Variants in NUFIP1 observed in about 807,000 individuals in gnomAD.
NUFIP1 encodes the protein nuclear FMR1 interacting protein 1.
A neutral mutation model predicts 56.2 loss-of-function variants in NUFIP1; 38 were observed. The ratio of observed to expected loss-of-function variants is 0.68; its 90% confidence interval spans 0.52 to 0.89. NUFIP1 has a LOEUF of 0.89. Among genes scored for constraint, NUFIP1 ranks in the 40% least tolerant of loss-of-function variants. The probability of loss-of-function intolerance (pLI) is 0.00; values close to 1 mark genes in which losing one functional copy is unlikely to be tolerated. For synonymous variants in NUFIP1, 215 were observed against 212.4 expected (o/e 1.01, Z -0.10); for missense variants, 567 against 605.8 (o/e 0.94, Z 0.67).
intron 5 of NUFIP1, 97 bp from the exon 6 acceptor site, chr13:44,966,033 C>T (rs995802583): frequency 3.1e-5 from 16 of 521,684 alleles, no homozygotes; most frequent in Admixed American, 7.8e-5. Context: ...TTGTTTAACA[C>T]CTAACACAGC....
intron 5 of NUFIP1, 106 bp downstream of exon 5, chr13:44,979,084 C>T: frequency 3.5e-6 from 3 of 861,332 alleles, no homozygotes; most frequent in Non-Finnish European, 5.5e-6. Context: ...GCCTTATGGT[C>T]CTCTTCCCTA....
chr13:44,949,220 G>A (rs1279737255), intron 8 of NUFIP1, among the ~76,000 whole-genome samples: 1 of 12,370 alleles, frequency 8.1e-5, no homozygotes. Flanking sequence ...TTTTTTTTTT[G>A]AGACGGAGTC....
chr13:44,963,321 T>C (rs931932322), intron 6 of NUFIP1, among the ~76,000 whole-genome samples: 6 of 152,220 alleles, frequency 3.9e-5, no homozygotes, highest in Admixed American at 3.3e-4. Context: ...ATCTTTTAAA[T>C]TTTCAATTTT....
chr13:44,956,035 C>T (rs1172777130), intron 7 of NUFIP1, among the ~76,000 whole-genome samples: 9 of 147,080 alleles, frequency 6.1e-5, no homozygotes, highest in African/African-American at 1.0e-4. Flanking sequence ...CCCAGCTACT[C>T]GGGAGGCTGA....
intron 4 of NUFIP1, 119 bp from the exon 5 acceptor site, chr13:44,979,385 G>C (rs1872103217): frequency 1.4e-6 from 1 of 700,838 alleles, no homozygotes; most frequent in Admixed American, 3.1e-5. Flanking sequence ...CAAGTAAGCA[G>C]GTTGTATCTA....
In NUFIP1 at chr13:44,989,005, C is replaced by T. The variant is rs1202106168; in HGVS notation, c.412+20G>A. On this transcript the variant is annotated intron_variant, in intron 1 of 9. Coordinates refer to ENST00000379161, the MANE Select transcript of NUFIP1 (RefSeq NM_012345.3). ...GGGGAAAAAGGTAAAGGGGTCGACTCACGTGGAAAAATAGCCTACCTGCAG... is the reference window on the plus strand; with the variant it reads ...GGGGAAAAAGGTAAAGGGGTCGACTTACGTGGAAAAATAGCCTACCTGCAG... 1.2e-6 allele frequency: 2 copies of T among 1,612,476 alleles called. No individual in the cohort carries two copies. The highest frequency in any genetic ancestry group is 1.3e-5 in the African/African-American group (1 of 74,972).
intron 5 of NUFIP1, among the ~76,000 whole-genome samples, chr13:44,971,379 T>C (rs1296019984): frequency 1.3e-5 from 2 of 152,194 alleles, no homozygotes; most frequent in Non-Finnish European, 2.9e-5. Context: ...CCTGCTGTCA[T>C]AGCATACCTC....
In NUFIP1 at chr13:44,955,872, G is replaced by A. The variant is rs188562986; in HGVS notation, c.1021+3509C>T. Reference sequence around the variant, plus strand: ...AGAATCTCATATTTTGGCCGGGCGCGGTGGCTCACGCCTGTAATCCCAGCA... The same window carrying A: ...AGAATCTCATATTTTGGCCGGGCGCAGTGGCTCACGCCTGTAATCCCAGCA... On this transcript the variant is annotated intron_variant, in intron 7 of 9. Coordinates refer to ENST00000379161, the MANE Select transcript of NUFIP1 (RefSeq NM_012345.3). Among the ~76,000 whole-genome samples the A allele has an allele frequency of 3.6e-3, 551 of 151,870 alleles. 5 individuals carry two copies. The highest frequency in any genetic ancestry group is 0.012 in the African/African-American group (518 of 41,462).
chr13:44,967,045 C>G (rs1871628709), intron 5 of NUFIP1, among the ~76,000 whole-genome samples: 1 of 151,280 alleles, frequency 6.6e-6, no homozygotes, highest in South Asian at 2.1e-4. Flanking sequence ...ATAAGAAAAG[C>G]ACACAAATAG....
At position 44,941,310 on chromosome 13, in the gene NUFIP1, C is replaced by T. The variant is rs1268068136; in HGVS notation, c.1384G>A (p.Asp462Asn). The change falls in exon 10 of 10, where the codon GAC becomes AAC. Residue 462 changes from aspartate to asparagine, a missense_variant. Asp to Asn is a conservative substitution (Grantham distance 23). Coordinates refer to ENST00000379161, the MANE Select transcript of NUFIP1 (RefSeq NM_012345.3). ...ATCACATTTCTTTCATGTCGAATGT[C>T]CGGAGCTAGAAGCTAAAACACAATT... ...PYLLEMLLAPDIRHERNVILQ... is the reference protein window; with the variant it reads ...PYLLEMLLAPNIRHERNVILQ... 4.4e-6 allele frequency: 7 copies of T among 1,602,374 alleles called. No individual in the cohort carries two copies. Among genetic ancestry groups the T allele is most frequent in the Non-Finnish European group, 5.1e-6 (6 of 1,175,196 alleles).
chr13:44,974,329 AGAGCAGCC>A (rs1431214398), intron 5 of NUFIP1, among the ~76,000 whole-genome samples: 4 of 152,212 alleles, frequency 2.6e-5, no homozygotes, highest in African/African-American at 7.2e-5. Flanking sequence ...GATATCGACA[AGAGCAGCC>A]GAAGTGAAAT....
intron 5 of NUFIP1, among the ~76,000 whole-genome samples, chr13:44,974,466 A>T (rs1379683842): frequency 6.6e-6 from 1 of 152,232 alleles, no homozygotes; most frequent in Non-Finnish European, 1.5e-5. Flanking sequence ...GGATGGAAAG[A>T]GGAGTATGTC....
At chr13:44,976,369 G>A (rs1216927148) in intron 5 of NUFIP1, among the ~76,000 whole-genome samples, 2 of 151,616 alleles carry the variant, frequency 1.3e-5, no homozygotes, top group Non-Finnish European at 2.9e-5. Context: ...AGGAGGAGGA[G>A]GAGGCGAAGG....
At chr13:44,973,384 CA>C (rs1338075950) in intron 5 of NUFIP1, among the ~76,000 whole-genome samples, 1 of 152,276 alleles carries the variant, frequency 6.6e-6, no homozygotes, top group South Asian at 2.1e-4. Flanking sequence ...CTAAAAACAA[CA>C]AAGATACAGC....
At chr13:44,949,254 T>C (rs1485470562) in intron 8 of NUFIP1, among the ~76,000 whole-genome samples, 24 of 131,880 alleles carry the variant, frequency 1.8e-4, no homozygotes, top group Non-Finnish European at 2.8e-4. Flanking sequence ...CAGGCTGGAG[T>C]GCAGTGGCGG....
chr13:44,940,081 G>A lies in NUFIP1; in HGVS notation c.*1125C>T, dbSNP rs1870681468. ...GTATACCTTTAATATAGGCACAATAGAGGTACAAAGAGTAAGCACTCAACA... is the reference window on the plus strand; with the variant it reads ...GTATACCTTTAATATAGGCACAATAAAGGTACAAAGAGTAAGCACTCAACA... On this transcript the variant is annotated 3_prime_UTR_variant, in exon 10 of 10. Transcript: ENST00000379161. 1 of 152,190 alleles carries A rather than the reference G, an allele frequency of 6.6e-6. No homozygotes were observed. Among genetic ancestry groups the A allele is most frequent in the African/African-American group, 2.4e-5 (1 of 41,450 alleles). 9.4% of individuals were successfully genotyped at this position (152,190 alleles called of 1,614,324 possible).
intron 6 of NUFIP1, among the ~76,000 whole-genome samples, chr13:44,962,660 T>A (rs1593363290): frequency 6.6e-6 from 1 of 152,234 alleles, no homozygotes; most frequent in Non-Finnish European, 1.5e-5. Context: ...GTTTGTAATG[T>A]CTACAGTAAT....
intron 7 of NUFIP1, among the ~76,000 whole-genome samples, chr13:44,956,062 G>A (rs1464964277): frequency 1.4e-5 from 2 of 145,550 alleles, no homozygotes; most frequent in African/African-American, 5.2e-5. Flanking sequence ...AGAATGGTGT[G>A]AACCCCAGGG....
intron 1 of NUFIP1, among the ~76,000 whole-genome samples, chr13:44,985,363 C>G (rs1872345555): frequency 1.3e-5 from 2 of 152,188 alleles, no homozygotes; most frequent in African/African-American, 4.8e-5. Flanking sequence ...TCCTCTTTAT[C>G]TTGCATCCCA....
Sources: allele counts gnomAD v4.1 joint callset (sites outside exome capture counted in the v4.1 genomes callset), GRCh38; gene constraint gnomAD v4.1.1; transcripts MANE v1.5; gene names NCBI Gene and HGNC (gene_info 2026-07-23, HGNC 2026-07-21).